Variants in VSIG1 observed in about 807,000 individuals in gnomAD.
VSIG1 encodes V-set and immunoglobulin domain-containing protein 1.
Under a neutral mutation model 20.1 loss-of-function variants are expected in VSIG1, and 11 were observed. The observed-to-expected ratio is 0.55, with a 90% CI of 0.34 to 0.91. The LOEUF is 0.91. Ranked by LOEUF, VSIG1 falls within the 40% of genes least tolerant of loss-of-function variation. VSIG1 has a pLI of 0.02. For missense variants in VSIG1, 283 were observed against 298.8 expected, an observed-to-expected ratio of 0.95 and a Z score of 0.39; for synonymous variants, 126 against 116.7, an observed-to-expected ratio of 1.08 and a Z score of -0.52.
intron 1 of VSIG1, among the ~76,000 whole-genome samples, chrX:108,047,887 C>CACATATATATATACACACACATATATAT (rs1569287199): frequency 1.2e-4 from 3 of 24,483 alleles, no homozygotes; most frequent in Non-Finnish European, 1.9e-4. Flanking sequence ...TATATATATA[C>CACATATATATATACACACACATATATAT]ACACATATAT....
the VSIG1 span, among the ~76,000 whole-genome samples, chrX:108,037,890 A>G: frequency 9.0e-6 from 1 of 111,602 alleles, no homozygotes; most frequent in Non-Finnish European, 1.9e-5. Flanking sequence ...AATGAGTGCT[A>G]TGAAAAAAGG....
At chrX:108,067,825 G>A (rs1390776128) in intron 3 of VSIG1, among the ~76,000 whole-genome samples, 2 of 112,154 alleles carry the variant, frequency 1.8e-5, no homozygotes, top group Non-Finnish European at 3.8e-5. Flanking sequence ...TACAATCTCT[G>A]TCTGAGAGGA....
At chrX:108,076,979 T>G (rs992506620) in intron 6 of VSIG1, 69 bp from the exon 7 acceptor site, 10 of 1,019,396 alleles carry the variant, frequency 9.8e-6, no homozygotes, top group Admixed American at 2.9e-5. Flanking sequence ...ACAGAACATA[T>G]GGTTTCACAT....
chrX:108,024,863 T>TTA, the VSIG1 span, among the ~76,000 whole-genome samples: 8 of 111,867 alleles, frequency 7.2e-5, no homozygotes, highest in Non-Finnish European at 1.5e-4. Context: ...GTTTTGTGGC[T>TTA]TACTATGTGA....
the VSIG1 span, among the ~76,000 whole-genome samples, chrX:108,032,021 G>T: frequency 8.9e-6 from 1 of 111,830 alleles, no homozygotes; most frequent in East Asian, 2.8e-4. Flanking sequence ...TGCACTTGTT[G>T]TTCCCTCTGC....
chrX:108,047,947 T>TATACAC lies in VSIG1; in HGVS notation c.49+2771_49+2772insCACATA. Among the ~76,000 whole-genome samples, 172 of 34,204 alleles carry TATACAC rather than the reference T, an allele frequency of 5.0e-3. 7 individuals carry two copies. The highest frequency in any genetic ancestry group is 6.9e-3 in the Non-Finnish European group (156 of 22,576). 29.7% of individuals were successfully genotyped at this position (34,204 alleles called of 115,157 possible). A position where few individuals can be genotyped will look rare whatever the true frequency, so the allele number is the denominator to read the frequency against. Reference sequence around the variant, plus strand: ...ATATATATATATACACATATATATATATATATACACACACATATATATATA... The same window carrying TATACAC: ...ATATATATATATACACATATATATATATACACATATATACACACACATATATATATA... On this transcript the variant is annotated intron_variant, in intron 1 of 6. Coordinates refer to ENST00000217957, the MANE Select transcript of VSIG1 (RefSeq NM_182607.5).
chrX:108,061,496 C>G lies in VSIG1; in HGVS notation c.213+3295C>G, dbSNP rs976857323. Reference sequence around the variant, plus strand: ...TCAGTCAGTGTCTAAAAATGACGCACGCAAGAGACGCTCGGGGAAGATGTA... The same window carrying G: ...TCAGTCAGTGTCTAAAAATGACGCAGGCAAGAGACGCTCGGGGAAGATGTA... On this transcript the variant is annotated intron_variant, in intron 2 of 6. Transcript: ENST00000217957. The G allele has an allele frequency of 1.3e-5, 15 of 1,166,556 alleles. No individual in the cohort carries two copies. In the South Asian group the frequency reaches 2.5e-4, roughly 19 times the overall value.
At chrX:108,029,016 G>A in the VSIG1 span, among the ~76,000 whole-genome samples, 3 of 111,464 alleles carry the variant, frequency 2.7e-5, no homozygotes, top group African/African-American at 9.8e-5. Flanking sequence ...TACATTCCTC[G>A]GAGAAGGGGA....
chrX:108,049,259 T>C (rs2030733550), intron 1 of VSIG1, among the ~76,000 whole-genome samples: 1 of 112,694 alleles, frequency 8.9e-6, no homozygotes, highest in Non-Finnish European at 1.9e-5. Context: ...TTATATATCT[T>C]CTATATTTAA....
chrX:108,058,986 G>A (rs1402924694), intron 2 of VSIG1, among the ~76,000 whole-genome samples: 2 of 111,475 alleles, frequency 1.8e-5, no homozygotes, highest in Admixed American at 9.5e-5. Context: ...GTGTTTGTGT[G>A]TTCATGCACA....
the VSIG1 span, among the ~76,000 whole-genome samples, chrX:108,025,830 G>C: frequency 8.9e-6 from 1 of 112,460 alleles, no homozygotes; most frequent in Admixed American, 9.4e-5. Flanking sequence ...CACAAGGAAG[G>C]CTAAAAGGAA....
intron 1 of VSIG1, among the ~76,000 whole-genome samples, chrX:108,053,432 A>G (rs1227057901): frequency 9.0e-6 from 1 of 111,544 alleles, no homozygotes; most frequent in African/African-American, 3.3e-5. Flanking sequence ...TGACTCACAC[A>G]TGAATGTTGA....
chrX:108,026,798 C>A, the VSIG1 span, among the ~76,000 whole-genome samples: 1 of 111,506 alleles, frequency 9.0e-6, no homozygotes. Context: ...CAGAGAGAGG[C>A]AGATAAAGTT....
Position 108,047,923 on chromosome X carries a change from T to TATATATATACAC in VSIG1, c.49+2753_49+2754insCACATATATATA, listed in dbSNP as rs1569287295. ...ATATATACACATATATATATACACA[T>TATATATATACAC]ATATATATATACACATATATATATA... On this transcript the variant is annotated intron_variant, in intron 1 of 6. Coordinates refer to ENST00000217957, the MANE Select transcript of VSIG1 (RefSeq NM_182607.5). 1.6e-3 allele frequency among the ~76,000 whole-genome samples: 28 copies of TATATATATACAC among 17,615 alleles called. 2 individuals are homozygous for TATATATATACAC. Among genetic ancestry groups the TATATATATACAC allele is most frequent in the African/African-American group, 4.7e-3 (16 of 3,399 alleles). 15.3% of individuals were successfully genotyped at this position (17,615 alleles called of 115,157 possible).
At chrX:108,024,577 G>A in the VSIG1 span, among the ~76,000 whole-genome samples, 70 of 108,997 alleles carry the variant, frequency 6.4e-4, no homozygotes, top group Non-Finnish European at 7.8e-4. Flanking sequence ...TGTAATGTAG[G>A]TATTTACAGC....
the VSIG1 span, among the ~76,000 whole-genome samples, chrX:108,033,255 T>A: frequency 8.9e-6 from 1 of 112,388 alleles, no homozygotes; most frequent in African/African-American, 3.2e-5. Flanking sequence ...GAGACCCATG[T>A]TCTACTCTCT....
At chrX:108,051,180 A>G (rs2030777362) in intron 1 of VSIG1, among the ~76,000 whole-genome samples, 1 of 110,795 alleles carries the variant, frequency 9.0e-6, no homozygotes, top group Non-Finnish European at 1.9e-5. Context: ...TCGAGGTGGG[A>G]GGGTAGAACA....
rs199780030 is a variant in VSIG1, at chrX:108,077,170, C to T, written c.953C>T (p.Pro318Leu). Residue 318 changes from proline (P) to leucine (L), a missense_variant, in exon 7 of 7, where the codon CCA becomes CTA. Pro to Leu is a moderately conservative substitution (Grantham distance 98). Transcript: ENST00000217957. ...HETGPDTIQE[P>L]DYEPKPTQEP... ...ACTGGCCCTGATACCATCCAAGAAC[C>T]AGACTATGAGCCAAAGCCTACTCAG... 1.3e-4 allele frequency: 158 copies of T among 1,210,413 alleles called. No homozygotes were observed. The East Asian group carries it at 4.3e-3, about 33-fold the overall frequency.
the VSIG1 span, among the ~76,000 whole-genome samples, chrX:108,035,743 G>A: frequency 9.1e-6 from 1 of 110,257 alleles, no homozygotes; most frequent in East Asian, 2.9e-4. Flanking sequence ...TCTCTATTTT[G>A]TGTGTATTTG....
Sources: allele counts gnomAD v4.1 joint callset (sites outside exome capture counted in the v4.1 genomes callset), GRCh38; gene constraint gnomAD v4.1.1; transcripts MANE v1.5; gene names NCBI Gene and HGNC (gene_info 2026-07-23, HGNC 2026-07-21).